Variants in BLTP1 observed in about 807,000 individuals in gnomAD.
BLTP1 encodes bridge-like lipid transfer protein family member 1, also known as fragile site-associated protein.
chr4:122,352,399 A>G, the BLTP1 span, among the ~76,000 whole-genome samples: 1 of 126,706 alleles, frequency 7.9e-6, no homozygotes, highest in Non-Finnish European at 1.6e-5. Context: ...TCACTCTGTC[A>G]TCCAGGCTGG....
the BLTP1 span, among the ~76,000 whole-genome samples, chr4:122,265,692 T>G: frequency 1.5e-4 from 22 of 151,428 alleles, no homozygotes; most frequent in South Asian, 6.3e-4. Flanking sequence ...TAGATATTTT[T>G]TTGTTGTTGT....
At chr4:122,201,138 A>G in the BLTP1 span, 1 of 1,590,396 alleles carries the variant, frequency 6.3e-7, no homozygotes, top group African/African-American at 1.4e-5. Flanking sequence ...TAATTTTCTA[A>G]TAGATATAAA....
chr4:122,308,216 AT>A, the BLTP1 span: 1 of 1,561,490 alleles, frequency 6.4e-7, no homozygotes, highest in Non-Finnish European at 8.8e-7. Flanking sequence ...CTACATAACC[AT>A]TTCTAAGTAT....
the BLTP1 span, chr4:122,189,245 A>C: frequency 1.1e-6 from 1 of 928,646 alleles, no homozygotes; most frequent in East Asian, 1.2e-4. Flanking sequence ...AAAAAATTGC[A>C]AGTTTTTGCA....
chr4:122,199,226 G>A, the BLTP1 span: 16 of 1,200,448 alleles, frequency 1.3e-5, no homozygotes, highest in South Asian at 2.7e-4. Context: ...CTGTCACTGA[G>A]GTGTGTTTAA....
chr4:122,306,267 T>G, the BLTP1 span, among the ~76,000 whole-genome samples: 1 of 152,078 alleles, frequency 6.6e-6, no homozygotes, highest in Non-Finnish European at 1.5e-5. Flanking sequence ...AACATAAGAG[T>G]GTCTGCTTCA....
the BLTP1 span, among the ~76,000 whole-genome samples, chr4:122,292,073 C>T: frequency 7.4e-3 from 1,102 of 149,428 alleles, 9 homozygotes; most frequent in South Asian, 0.03. Flanking sequence ...CGGGTTCAGG[C>T]GATTCTCCTG....
chr4:122,176,458 A>G, the BLTP1 span, among the ~76,000 whole-genome samples: 1 of 152,174 alleles, frequency 6.6e-6, no homozygotes, highest in African/African-American at 2.4e-5. Context: ...TGTTTGTAAA[A>G]ATATATATAA....
At chr4:122,322,397 T>G in the BLTP1 span, among the ~76,000 whole-genome samples, 1 of 151,234 alleles carries the variant, frequency 6.6e-6, no homozygotes, top group African/African-American at 2.4e-5. Flanking sequence ...TTGTCATCTT[T>G]CAACTTACAG....
chr4:122,174,185 A>G, the BLTP1 span: 19 of 985,108 alleles, frequency 1.9e-5, no homozygotes, highest in African/African-American at 2.4e-4. Flanking sequence ...AACTTCTTTC[A>G]AACATAAATC....
the BLTP1 span, among the ~76,000 whole-genome samples, chr4:122,179,324 TA>T: frequency 2.6e-5 from 4 of 152,172 alleles, no homozygotes; most frequent in Non-Finnish European, 5.9e-5. Context: ...TCTCATATTT[TA>T]AAAGAGAAAC....
chr4:122,209,885 A>T, the BLTP1 span: 1 of 1,613,590 alleles, frequency 6.2e-7, no homozygotes. Context: ...ATGGCATCCA[A>T]TTTATCCACA....
the BLTP1 span, among the ~76,000 whole-genome samples, chr4:122,241,275 AG>A: frequency 6.6e-6 from 1 of 152,198 alleles, no homozygotes; most frequent in Non-Finnish European, 1.5e-5. Context: ...GAAAGAGGTC[AG>A]CATGCCCGAG....
the BLTP1 span, chr4:122,339,392 C>T: frequency 9.3e-6 from 15 of 1,611,310 alleles, no homozygotes; most frequent in East Asian, 2.7e-4. Context: ...CTTCTGCTAG[C>T]AAAACTGGAA....
the BLTP1 span, among the ~76,000 whole-genome samples, chr4:122,154,701 G>T: frequency 2.6e-5 from 4 of 152,036 alleles, no homozygotes; most frequent in Non-Finnish European, 5.9e-5. Context: ...GTGAAACCCC[G>T]TGTCTACTAA....
chr4:122,230,278 G>A, the BLTP1 span: 2 of 1,327,980 alleles, frequency 1.5e-6, no homozygotes, highest in Admixed American at 3.8e-5. Flanking sequence ...TAATTGTAGA[G>A]GAAATTCTAC....
At chr4:122,359,873 G>T in the BLTP1 span, 2 of 1,357,842 alleles carry the variant, frequency 1.5e-6, no homozygotes, top group African/African-American at 3.0e-5. Context: ...TGTCTTTGCT[G>T]CTTCTTTCTG....
At chr4:122,171,856 T>C in the BLTP1 span, 4 of 984,064 alleles carry the variant, frequency 4.1e-6, no homozygotes, top group Non-Finnish European at 4.8e-6. Context: ...TCCCTCTGTT[T>C]TACTATGAGC....
chr4:122,294,252 G>A, the BLTP1 span, among the ~76,000 whole-genome samples: 2 of 152,280 alleles, frequency 1.3e-5, no homozygotes, highest in East Asian at 3.9e-4. Context: ...CTCTGCCAAG[G>A]GGCAGCCAGA....
Sources: allele counts gnomAD v4.1 joint callset (sites outside exome capture counted in the v4.1 genomes callset), GRCh38; gene constraint gnomAD v4.1.1; transcripts MANE v1.5; gene names NCBI Gene and HGNC (gene_info 2026-07-23, HGNC 2026-07-21).